Variants in NKAIN2 observed in about 807,000 individuals in gnomAD.
NKAIN2 encodes sodium/potassium-transporting ATPase subunit beta-1-interacting protein 2.
NKAIN2 carries 14 observed loss-of-function variants against 32.6 expected under a neutral mutation model. The ratio of observed to expected loss-of-function variants is 0.43; its 90% CI spans 0.28 to 0.67. The LOEUF is 0.67. NKAIN2 is among the 30% of genes least tolerant of loss of function. The probability of loss-of-function intolerance (pLI) is 0.17; values close to 1 mark genes in which losing one functional copy is unlikely to be tolerated. For missense variants in NKAIN2, 198 were observed against 258.3 expected (o/e 0.77, Z 1.60); for synonymous variants, 80 against 87.2 (o/e 0.92, Z 0.46).
intron 3 of NKAIN2, among the ~76,000 whole-genome samples, chr6:124,415,999 CTG>C (rs1405947831): frequency 6.6e-6 from 1 of 150,544 alleles, no homozygotes; most frequent in Non-Finnish European, 1.5e-5. Flanking sequence ...CCCTGAGCCT[CTG>C]TTCATTTTTT....
At chr6:124,198,315 T>G (rs149437020) in intron 1 of NKAIN2, among the ~76,000 whole-genome samples, 2 of 151,824 alleles carry the variant, frequency 1.3e-5, no homozygotes, top group Non-Finnish European at 2.9e-5. Flanking sequence ...TACTTCATGC[T>G]CCGCCCGTGT....
At chr6:124,654,907 A>T (rs1271628161) in intron 3 of NKAIN2, among the ~76,000 whole-genome samples, 1 of 152,168 alleles carries the variant, frequency 6.6e-6, no homozygotes, top group Admixed American at 6.6e-5. Flanking sequence ...TTTGGCCTCT[A>T]GAACTGTGAG....
At chr6:123,840,713 T>C (rs1363927798) in intron 1 of NKAIN2, among the ~76,000 whole-genome samples, 2 of 152,136 alleles carry the variant, frequency 1.3e-5, no homozygotes, top group Non-Finnish European at 1.5e-5. Context: ...GTTTTTATTG[T>C]ACTCTGGCTT....
intron 4 of NKAIN2, among the ~76,000 whole-genome samples, chr6:124,668,477 C>T (rs531498636): frequency 2.2e-4 from 33 of 152,102 alleles, no homozygotes; most frequent in African/African-American, 7.2e-4. Context: ...TCTAGCAATT[C>T]GTCTTTACTT....
At chr6:124,762,881 A>T (rs1778336951) in intron 4 of NKAIN2, among the ~76,000 whole-genome samples, 1 of 152,182 alleles carries the variant, frequency 6.6e-6, no homozygotes, top group Non-Finnish European at 1.5e-5. Flanking sequence ...AGACTAGAAA[A>T]GGTAAGTAGA....
chr6:124,625,910 T>TA (rs1161649549), intron 3 of NKAIN2, among the ~76,000 whole-genome samples: 1 of 151,988 alleles, frequency 6.6e-6, no homozygotes, highest in Non-Finnish European at 1.5e-5. Flanking sequence ...TGTGTTCCTT[T>TA]AAAAAAATTA....
Position 124,555,685 on chromosome 6 carries a change from T to C in NKAIN2, c.274-102501T>C, listed in dbSNP as rs146870619. 8.6e-3 allele frequency among the ~76,000 whole-genome samples: 1,305 copies of C among 152,302 alleles called. 79 individuals are homozygous for C. The highest frequency in any genetic ancestry group is 0.08 in the Admixed American group (1,231 of 15,298). On this transcript the variant is annotated intron_variant, in intron 3 of 6. Transcript: ENST00000368417. ...TTCAAAGGCAAATGGATGATCCTGATTGATTAGAAGACAAATACAGTAAAA... is the reference window on the plus strand; with the variant it reads ...TTCAAAGGCAAATGGATGATCCTGACTGATTAGAAGACAAATACAGTAAAA...
chr6:124,434,295 T>C (rs1775344526), intron 3 of NKAIN2, among the ~76,000 whole-genome samples: 1 of 152,176 alleles, frequency 6.6e-6, no homozygotes, highest in Non-Finnish European at 1.5e-5. Flanking sequence ...GGGACACACA[T>C]CAGTACATTT....
chr6:124,359,109 C>T (rs9401740), intron 3 of NKAIN2, among the ~76,000 whole-genome samples: 78,597 of 151,722 alleles, frequency 0.52, 21,615 homozygotes, highest in African/African-American at 0.72. Flanking sequence ...TTCTGAGGGC[C>T]CTGTTCTGTC....
intron 3 of NKAIN2, among the ~76,000 whole-genome samples, chr6:124,410,841 G>C (rs965590899): frequency 6.6e-6 from 1 of 152,128 alleles, no homozygotes; most frequent in Non-Finnish European, 1.5e-5. Context: ...TTTCTTTGTA[G>C]TCACTCGGGG....
chr6:124,427,336 A>G (rs1004189191), intron 3 of NKAIN2, among the ~76,000 whole-genome samples: 3 of 152,210 alleles, frequency 2.0e-5, no homozygotes, highest in African/African-American at 7.2e-5. Flanking sequence ...TAAAGAAAGA[A>G]CTACTGATAT....
intron 3 of NKAIN2, among the ~76,000 whole-genome samples, chr6:124,630,518 C>T (rs537842446): frequency 2.0e-5 from 3 of 152,250 alleles, no homozygotes; most frequent in Admixed American, 6.5e-5. Context: ...TAAGTCTTCT[C>T]ACTCACTCAT....
intron 1 of NKAIN2, among the ~76,000 whole-genome samples, chr6:123,857,423 T>C (rs538995897): frequency 6.6e-6 from 1 of 152,352 alleles, no homozygotes; most frequent in South Asian, 2.1e-4. Context: ...GTTTTTCAGA[T>C]GGTTCATAAT....
At chr6:124,212,133 A>T (rs1286772948) in intron 1 of NKAIN2, among the ~76,000 whole-genome samples, 1 of 152,134 alleles carries the variant, frequency 6.6e-6, no homozygotes, top group Non-Finnish European at 1.5e-5. Flanking sequence ...AAATGACTTT[A>T]AACCTAGTAC....
At chr6:124,029,355 G>A (rs950067199) in intron 1 of NKAIN2, among the ~76,000 whole-genome samples, 5 of 148,842 alleles carry the variant, frequency 3.4e-5, no homozygotes, top group African/African-American at 1.2e-4. Flanking sequence ...TTCTGGACTC[G>A]TAGGAAAAAA....
chr6:124,802,937 A>G (rs1238787158), intron 5 of NKAIN2, among the ~76,000 whole-genome samples: 1 of 152,188 alleles, frequency 6.6e-6, no homozygotes, highest in Non-Finnish European at 1.5e-5. Flanking sequence ...TTGCTTGCAC[A>G]TCACTTGTGC....
intron 4 of NKAIN2, among the ~76,000 whole-genome samples, chr6:124,759,404 A>G (rs1379274038): frequency 1.3e-5 from 2 of 152,158 alleles, no homozygotes; most frequent in African/African-American, 4.8e-5. Context: ...AATATTAACT[A>G]AAGGATCTAG....
chr6:124,114,892 G>C (rs1785538572), intron 1 of NKAIN2, among the ~76,000 whole-genome samples: 1 of 152,112 alleles, frequency 6.6e-6, no homozygotes, highest in Non-Finnish European at 1.5e-5. Flanking sequence ...TAAAGGTCTG[G>C]AGAATGATGA....
chr6:124,214,516 A>G (rs543973241), intron 1 of NKAIN2, among the ~76,000 whole-genome samples: 2 of 152,088 alleles, frequency 1.3e-5, no homozygotes, highest in Non-Finnish European at 2.9e-5. Context: ...TGGGAAGCCA[A>G]GGAGGGCAGA....
Sources: allele counts gnomAD v4.1 joint callset (sites outside exome capture counted in the v4.1 genomes callset), GRCh38; gene constraint gnomAD v4.1.1; transcripts MANE v1.5; gene names NCBI Gene and HGNC (gene_info 2026-07-23, HGNC 2026-07-21).